ATP8B1: variants seen among roughly 807,000 people sequenced by gnomAD.
ATP8B1 encodes the protein ATPase phospholipid transporting 8B1.
In ATP8B1, 80 loss-of-function variants were observed where a neutral mutation model predicts 149.9. The ratio of observed to expected loss-of-function variants is 0.53; its 90% CI spans 0.45 to 0.64. The LOEUF (loss-of-function observed/expected upper bound fraction) is 0.64. Ranked by LOEUF, ATP8B1 falls within the 30% of genes least tolerant of loss-of-function variation. The probability of loss-of-function intolerance (pLI) is 0.00; values close to 1 mark genes in which losing one functional copy is unlikely to be tolerated. For missense variants in ATP8B1, 1,247 were observed against 1,552.6 expected (o/e 0.80, Z 3.31); for synonymous variants, 536 against 562.8 (o/e 0.95, Z 0.67).
At chr18:57,737,764 A>C (rs2079872976) in intron 1 of ATP8B1, 1 of 152,214 alleles carries the variant, frequency 6.6e-6, no homozygotes, top group Admixed American at 6.5e-5. Context: ...ACTGCCAGGC[A>C]TCTGGATATT....
intron 1 of ATP8B1, among the ~76,000 whole-genome samples, chr18:57,756,300 T>TATACATATATATAG: frequency 9.4e-6 from 1 of 106,930 alleles, no homozygotes. Flanking sequence ...TGTGTGTGTA[T>TATACATATATATAG]GTATATATAT....
At chr18:57,657,669 T>G (rs1356598129) in intron 22 of ATP8B1, among the ~76,000 whole-genome samples, 2 of 152,252 alleles carry the variant, frequency 1.3e-5, no homozygotes, top group African/African-American at 4.8e-5. Context: ...ATGACCAGCA[T>G]GGTTGCCAAA....
At chr18:57,701,138 C>G (rs375912355) in intron 5 of ATP8B1, 38 bp from the exon 6 acceptor site, 135 of 1,612,648 alleles carry the variant, frequency 8.4e-5, no homozygotes, top group Non-Finnish European at 1.1e-4. Flanking sequence ...TTTTAAACAT[C>G]TCAATAGAGA....
intron 1 of ATP8B1, chr18:57,735,350 C>T (rs1013777774): frequency 6.5e-6 from 1 of 153,812 alleles, no homozygotes; most frequent in Non-Finnish European, 1.4e-5. Context: ...GGCTAAGTGC[C>T]TGGTTTCGTC....
chr18:57,685,353 A>C (rs1277040502), intron 13 of ATP8B1, among the ~76,000 whole-genome samples: 1 of 152,022 alleles, frequency 6.6e-6, no homozygotes, highest in Non-Finnish European at 1.5e-5. Context: ...TATCCTTTGA[A>C]ATGCTTTACC....
intron 1 of ATP8B1, among the ~76,000 whole-genome samples, chr18:57,763,314 C>T (rs1568060419): frequency 6.6e-6 from 1 of 152,098 alleles, no homozygotes; most frequent in East Asian, 1.9e-4. Flanking sequence ...TTCGCTTGAA[C>T]CTGGGAGGCG....
chr18:57,794,130 C>T (rs953362643), intron 1 of ATP8B1, among the ~76,000 whole-genome samples: 4 of 152,118 alleles, frequency 2.6e-5, no homozygotes, highest in Admixed American at 6.5e-5. Context: ...TTTTGGTTGG[C>T]TTCAAGCTTT....
chr18:57,766,028 C>A (rs1252720518), intron 1 of ATP8B1, among the ~76,000 whole-genome samples: 6 of 151,504 alleles, frequency 4.0e-5, no homozygotes, highest in African/African-American at 7.3e-5. Context: ...TATTTTATCA[C>A]AATAATTTTT....
chr18:57,788,989 C>T (rs1041203622), intron 1 of ATP8B1, among the ~76,000 whole-genome samples: 3 of 152,104 alleles, frequency 2.0e-5, no homozygotes, highest in African/African-American at 7.2e-5. Flanking sequence ...TTGGCAGATC[C>T]AGGAGTTTCT....
rs1188716361 is a variant in ATP8B1, at chr18:57,731,697, C to A, written c.111G>T (p.Gly37=). 5 of 1,614,102 alleles carry A rather than the reference C, an allele frequency of 3.1e-6. No individual in the cohort carries two copies. Among genetic ancestry groups the A allele is most frequent in the East Asian group, 4.5e-5 (2 of 44,886 alleles). Residue 37 remains glycine (G), a synonymous_variant, in exon 2 of 28, where the codon GGG becomes GGT. Coordinates refer to ENST00000648908, the MANE Select transcript of ATP8B1 (RefSeq NM_001374385.1). ...GGTTTTGTTCTGGTTCAACAGCAGA[C>A]CCCTGGTCATCAAGTTCATCTTCTG... ...DETEDELDDQ[G]SAVEPEQNRV... is the part of the protein sequence containing the mutation.
chr18:57,663,875 T>G (rs1397763174), intron 20 of ATP8B1, among the ~76,000 whole-genome samples: 1 of 150,524 alleles, frequency 6.6e-6, no homozygotes, highest in Non-Finnish European at 1.5e-5. Context: ...CAAGCTATTC[T>G]TCCACCTCAG....
intron 1 of ATP8B1, among the ~76,000 whole-genome samples, chr18:57,765,283 C>T (rs892523709): frequency 3.3e-5 from 5 of 152,122 alleles, no homozygotes; most frequent in Non-Finnish European, 5.9e-5. Context: ...TTAATGAGTG[C>T]AGAGCTTCAG....
Position 57,676,641 on chromosome 18 carries a change from C to T in ATP8B1, c.1631-1619G>A, listed in dbSNP as rs573334279. Among the ~76,000 whole-genome samples, 73 of 148,224 alleles carry T rather than the reference C, an allele frequency of 4.9e-4. No homozygotes were observed. The South Asian group carries it at 8.5e-3, about 17-fold the overall frequency. ...GGCTGAGGCAGGAGAATCACTTGAA[C>T]CCAGAAGGTGGAGGTTGCAGTGAGC... On this transcript the variant is annotated intron_variant, in intron 15 of 27. Coordinates refer to ENST00000648908, the MANE Select transcript of ATP8B1 (RefSeq NM_001374385.1).
At chr18:57,752,894 C>T (rs1318775463) in intron 1 of ATP8B1, among the ~76,000 whole-genome samples, 1 of 152,174 alleles carries the variant, frequency 6.6e-6, no homozygotes, top group Non-Finnish European at 1.5e-5. Context: ...GAATCAAGCT[C>T]AGAGTTCAAG....
intron 14 of ATP8B1, 122 bp from the exon 15 acceptor site, chr18:57,684,314 A>C: frequency 9.2e-7 from 1 of 1,085,096 alleles, no homozygotes; most frequent in Non-Finnish European, 1.3e-6. Flanking sequence ...GGATTTTAGC[A>C]CATTCTTAAA....
chr18:57,709,264 A>G (rs1434068109), intron 2 of ATP8B1, among the ~76,000 whole-genome samples: 3 of 152,230 alleles, frequency 2.0e-5, no homozygotes, highest in Non-Finnish European at 4.4e-5. Flanking sequence ...CCATGGACAG[A>G]CACACTTGCA....
chr18:57,700,347 C>G (rs1599130949), intron 6 of ATP8B1, among the ~76,000 whole-genome samples: 1 of 151,896 alleles, frequency 6.6e-6, no homozygotes, highest in Non-Finnish European at 1.5e-5. Flanking sequence ...CATTTTTGGC[C>G]ATAAATGAAT....
intron 1 of ATP8B1, among the ~76,000 whole-genome samples, chr18:57,756,209 A>AC (rs2080077764): frequency 9.7e-6 from 1 of 102,660 alleles, no homozygotes. Flanking sequence ...ATATATATAT[A>AC]TACACACACA....
chr18:57,700,277 A>C (rs1913054592), intron 6 of ATP8B1, among the ~76,000 whole-genome samples: 1 of 152,178 alleles, frequency 6.6e-6, no homozygotes, highest in Non-Finnish European at 1.5e-5. Flanking sequence ...TTGTATACTA[A>C]ATTCATTAGG....
Sources: gnomAD v4.1 joint callset for allele counts (sites outside exome capture counted in the v4.1 genomes callset) on GRCh38, gnomAD v4.1.1 for gene constraint, MANE v1.5 for transcripts, NCBI Gene and HGNC (gene_info 2026-07-23, HGNC 2026-07-21) for gene names.